LIPT2: variants seen among roughly 807,000 people sequenced by gnomAD.
LIPT2 encodes the protein lipoyl(octanoyl) transferase 2, also known as octanoyl-[acyl-carrier-protein]:protein N-octanoyltransferase LIPT2, mitochondrial.
In LIPT2, 16 loss-of-function variants were observed where a neutral mutation model predicts 16.2. The observed-to-expected ratio is 0.99, with a 90% CI of 0.67 to 1.50. The LOEUF is 1.50. LIPT2 is among the 40% of genes most tolerant of loss of function. LIPT2 has a pLI of 0.00. For missense variants in LIPT2, 424 were observed against 347.7 expected (o/e 1.22, Z -1.75); for synonymous variants, 199 against 169.3 (o/e 1.18, Z -1.36).
chr11:74,493,689 G>C lies in LIPT2; in HGVS notation c.15C>G (p.Ala5=). MRQP[A]VRLVRLGRVP... is the part of the protein sequence containing the mutation. ...CCCGACCCAGGCGCACCAACCGAAC[G>C]GCGGGTTGCCGCATCGTGCCCACCG... The change falls in exon 1 of 2, where the codon GCC becomes GCG. Residue 5 remains alanine (A), a synonymous_variant. Coordinates refer to ENST00000310109, the MANE Select transcript of LIPT2 (RefSeq NM_001144869.3). 7.2e-7 allele frequency: 1 copy of C among 1,388,024 alleles called. No individual in the cohort carries two copies. Among genetic ancestry groups the C allele is most frequent in the South Asian group, 1.6e-5 (1 of 62,356 alleles). The allele number at this position is 1,388,024 out of a possible 1,614,324, so 86.0% of individuals were successfully genotyped here. A position where few individuals can be genotyped will look rare whatever the true frequency, so the allele number is the denominator to read the frequency against.
In LIPT2 at chr11:74,493,408, C is replaced by T; in HGVS notation, c.296G>A (p.Cys99Tyr). The T allele has an allele frequency of 6.6e-7, 1 of 1,516,078 alleles. No individual in the cohort carries two copies. The highest frequency in any genetic ancestry group is 8.8e-7 in the Non-Finnish European group (1 of 1,139,176). The allele number at this position is 1,516,078 out of a possible 1,614,324, so 93.9% of individuals were successfully genotyped here. The change falls in exon 1 of 2, where the codon TGC becomes TAC. Residue 99 changes from cysteine (C) to tyrosine (Y), a missense_variant. Cys to Tyr is a radical substitution (Grantham distance 194, BLOSUM62 -2). Coordinates refer to ENST00000310109, the MANE Select transcript of LIPT2 (RefSeq NM_001144869.3). ...ACGCCGCAGGTCGAGTACCGGGTGG[C>T]AAAGCAGCTGGCCCGGGCCGTGGAA... Reference protein sequence around the residue: ...ATFHGPGQLLCHPVLDLRRLG... With the variant: ...ATFHGPGQLLYHPVLDLRRLG...
At position 74,493,715 on chromosome 11, in the gene LIPT2, T is replaced by C; in HGVS notation, c.-12A>G. On this transcript the variant is annotated 5_prime_UTR_variant, in exon 1 of 2. Transcript: ENST00000310109. Reference sequence around the variant, plus strand: ...GCGGGTTGCCGCATCGTGCCCACCGTTGCGTCCGCGGGGCCCCGCCCTCTC... The same window carrying C: ...GCGGGTTGCCGCATCGTGCCCACCGCTGCGTCCGCGGGGCCCCGCCCTCTC... 8.1e-6 allele frequency: 11 copies of C among 1,353,552 alleles called. No individual in the cohort carries two copies. The highest frequency in any genetic ancestry group is 1.0e-5 in the Non-Finnish European group (11 of 1,059,878). 83.8% of individuals were successfully genotyped at this position (1,353,552 alleles called of 1,614,324 possible).
chr11:74,492,777 G>C (rs1186940681), intron 1 of LIPT2, among the ~76,000 whole-genome samples: 1 of 151,820 alleles, frequency 6.6e-6, no homozygotes, highest in Non-Finnish European at 1.5e-5. Context: ...GGTGGTGGGC[G>C]CCTGTAGCCC....
At position 74,493,694 on chromosome 11, in the gene LIPT2, G is replaced by A; in HGVS notation, c.10C>T (p.Pro4Ser). Residue 4 changes from proline (P) to serine (S), a missense_variant, in exon 1 of 2, where the codon CCC becomes TCC. Transcript: ENST00000310109. ...CCCAGGCGCACCAACCGAACGGCGG[G>A]TTGCCGCATCGTGCCCACCGTTGCG... MRQ[P>S]AVRLVRLGRV... The A allele has an allele frequency of 5.8e-6, 8 of 1,385,330 alleles. No homozygotes were observed. The highest frequency in any genetic ancestry group is 7.4e-6 in the Non-Finnish European group (8 of 1,075,246). The allele number at this position is 1,385,330 out of a possible 1,614,324, so 85.8% of individuals were successfully genotyped here.
Position 74,492,304 on chromosome 11 carries a change from A to C in LIPT2, c.527T>G (p.Leu176Arg). The C allele has an allele frequency of 6.4e-7, 1 of 1,551,790 alleles. No homozygotes were observed. The highest frequency in any genetic ancestry group is 2.4e-5 in the East Asian group (1 of 40,914). Residue 176 changes from leucine to arginine, a missense_variant, in exon 2 of 2, where the codon CTC becomes CGC. Coordinates refer to ENST00000310109, the MANE Select transcript of LIPT2 (RefSeq NM_001144869.3). ...HGLALNCSTDLTWFEHIVPCG... is the reference protein window; with the variant it reads ...HGLALNCSTDRTWFEHIVPCG... ...GGGCACGATGTGCTCAAACCACGTG[A>C]GGTCGGTAGAGCAGTTGAGAGCCAG...
Position 74,491,944 on chromosome 11 carries a change from T to C in LIPT2, c.*191A>G. On this transcript the variant is annotated 3_prime_UTR_variant, in exon 2 of 2. Transcript: ENST00000310109. ...TCACAGTATTGTCACATCTAGTATC[T>C]CTGAGGTAGGTGGGGAAGATATAAA... is the stretch of plus-strand genomic sequence containing the variant. 1 of 585,618 alleles carries C rather than the reference T, an allele frequency of 1.7e-6. No individual in the cohort carries two copies. Among genetic ancestry groups the C allele is most frequent in the Admixed American group, 3.0e-5 (1 of 33,788 alleles). 36.3% of individuals were successfully genotyped at this position (585,618 alleles called of 1,614,324 possible). A position where few individuals can be genotyped will look rare whatever the true frequency, so the allele number is the denominator to read the frequency against.
chr11:74,493,681 A>AGCCG lies in LIPT2; in HGVS notation c.22_23insCGGC (p.Leu8SerfsTer31), dbSNP rs1395929993. On this transcript the variant is annotated frameshift_variant, in exon 1 of 2. Coordinates refer to ENST00000310109, the MANE Select transcript of LIPT2 (RefSeq NM_001144869.3). LOFTEE classifies it high-confidence loss of function. ...GTACGGCACCCGACCCAGGCGCACC[A>AGCCG]ACCGAACGGCGGGTTGCCGCATCGT... 1.3e-5 allele frequency: 19 copies of AGCCG among 1,409,756 alleles called. No homozygotes were observed. In the African/African-American group the frequency reaches 2.1e-4, roughly 16 times the overall value. The allele number at this position is 1,409,756 out of a possible 1,614,324, so 87.3% of individuals were successfully genotyped here. A position where few individuals can be genotyped will look rare whatever the true frequency, so the allele number is the denominator to read the frequency against.
At position 74,492,170 on chromosome 11, in the gene LIPT2, T is replaced by A; in HGVS notation, c.661A>T (p.Lys221Ter). The change falls in exon 2 of 2, where the codon AAG (lysine) becomes TAG (stop). Residue 221 changes from lysine to a stop codon, truncating the protein, a stop_gained. Transcript: ENST00000310109. LOFTEE classifies it high-confidence loss of function. ...PFLVAFKEIY[K>*]CTLISEDSPN is the part of the protein sequence containing the mutation. ...CTGTCCTCTGAGATCAGTGTGCACT[T>A]GTAGATCTCCTTAAAGGCCACAAGG... The A allele has an allele frequency of 6.4e-7, 1 of 1,551,630 alleles. No homozygotes were observed. Among genetic ancestry groups the A allele is most frequent in the African/African-American group, 1.4e-5 (1 of 73,148 alleles).
In LIPT2 at chr11:74,493,334, C is replaced by A; in HGVS notation, c.370G>T (p.Val124Leu). 1 of 1,484,310 alleles carries A rather than the reference C, an allele frequency of 6.7e-7. No homozygotes were observed. The highest frequency in any genetic ancestry group is 8.9e-7 in the Non-Finnish European group (1 of 1,122,444). 91.9% of individuals were successfully genotyped at this position (1,484,310 alleles called of 1,614,324 possible). A position where few individuals can be genotyped will look rare whatever the true frequency, so the allele number is the denominator to read the frequency against. ...MHVASLEACA[V>L]RLCELQGLQD... is the part of the protein sequence containing the mutation. ...AGGCCCTGGAGCTCGCACAGGCGCA[C>A]GGCGCACGCCTCCAGCGACGCTACG... The change falls in exon 1 of 2, where the codon GTG becomes TTG. Residue 124 changes from valine (V) to leucine (L), a missense_variant. Val to Leu is a conservative substitution (Grantham distance 32, BLOSUM62 1). Coordinates refer to ENST00000310109, the MANE Select transcript of LIPT2 (RefSeq NM_001144869.3).
In LIPT2 at chr11:74,493,406, G is replaced by A; in HGVS notation, c.298C>T (p.His100Tyr). 1 of 1,516,160 alleles carries A rather than the reference G, an allele frequency of 6.6e-7. No homozygotes were observed. 93.9% of individuals were successfully genotyped at this position (1,516,160 alleles called of 1,614,324 possible). The change falls in exon 1 of 2, where the codon CAC (histidine) becomes TAC (tyrosine). Residue 100 changes from histidine (H) to tyrosine (Y), a missense_variant. Coordinates refer to ENST00000310109, the MANE Select transcript of LIPT2 (RefSeq NM_001144869.3). ...TFHGPGQLLC[H>Y]PVLDLRRLGL... ...AGACGCCGCAGGTCGAGTACCGGGT[G>A]GCAAAGCAGCTGGCCCGGGCCGTGG...
chr11:74,493,624 A>G lies in LIPT2; in HGVS notation c.80T>C (p.Leu27Pro). 6.9e-7 allele frequency: 1 copy of G among 1,457,710 alleles called. No homozygotes were observed. The highest frequency in any genetic ancestry group is 2.5e-5 in the Admixed American group (1 of 39,566). The allele number at this position is 1,457,710 out of a possible 1,614,324, so 90.3% of individuals were successfully genotyped here. A position where few individuals can be genotyped will look rare whatever the true frequency, so the allele number is the denominator to read the frequency against. The change falls in exon 1 of 2, where the codon CTG becomes CCG. Residue 27 changes from leucine to proline, a missense_variant. Transcript: ENST00000310109. ...AELLGLQDRW[L>P]RRLQAEPGIE... ...GCCTGGCTCGGCCTGCAGCCGCCGC[A>G]GCCAGCGGTCCTGCAGCCCCAGTAG... is the stretch of plus-strand genomic sequence containing the variant.
chr11:74,490,573 A>G lies in LIPT2; in HGVS notation c.*1562T>C, dbSNP rs1437542022. On this transcript the variant is annotated 3_prime_UTR_variant, in exon 2 of 2. Transcript: ENST00000310109. ...GGTTAATTAAAATATTAAAATTAACATCATAGACCAGGCATGGTGGCTCAC... is the reference window on the plus strand; with the variant it reads ...GGTTAATTAAAATATTAAAATTAACGTCATAGACCAGGCATGGTGGCTCAC... Among the ~76,000 whole-genome samples the G allele has an allele frequency of 6.6e-6, 1 of 152,210 alleles. No individual in the cohort carries two copies. The highest frequency in any genetic ancestry group is 1.5e-5 in the Non-Finnish European group (1 of 68,034).
rs1052558925 is a variant in LIPT2 at position 74,491,002 on chromosome 11, C to A, written c.*1133G>T. On this transcript the variant is annotated 3_prime_UTR_variant, in exon 2 of 2. Transcript: ENST00000310109. ...TTGCCCTAGTGCAGTCCCTTCCACA[C>A]TGAACAGGGCTCATCTGTTAGAAGA... Among the ~76,000 whole-genome samples the A allele has an allele frequency of 6.6e-6, 1 of 152,212 alleles. No individual in the cohort carries two copies. Among genetic ancestry groups the A allele is most frequent in the African/African-American group, 2.4e-5 (1 of 41,452 alleles).
Position 74,492,371 on chromosome 11 carries a change from G to A in LIPT2, c.467-7C>T. 3 of 1,546,928 alleles carry A rather than the reference G, an allele frequency of 1.9e-6. No homozygotes were observed. The highest frequency in any genetic ancestry group is 2.6e-6 in the Non-Finnish European group (3 of 1,142,650). On this transcript the variant is annotated splice_polypyrimidine_tract_variant and splice_region_variant and intron_variant, in intron 1 of 1. Transcript: ENST00000310109. ...TGCCTTCCACAGCGGACTCCTGCAA[G>A]GCAAGCCAAAGGGTCTTAGAGTAGA...
intron 1 of LIPT2, 150 bp from the exon 2 acceptor site, chr11:74,492,514 G>A: frequency 3.3e-6 from 2 of 611,270 alleles, no homozygotes; most frequent in African/African-American, 1.9e-5. Context: ...GATGGGAAAA[G>A]GAAACAAATG....
In LIPT2 at chr11:74,493,721, C is replaced by G; in HGVS notation, c.-18G>C. Reference sequence around the variant, plus strand: ...TGCCGCATCGTGCCCACCGTTGCGTCCGCGGGGCCCCGCCCTCTCCGTGGG... The same window carrying G: ...TGCCGCATCGTGCCCACCGTTGCGTGCGCGGGGCCCCGCCCTCTCCGTGGG... On this transcript the variant is annotated 5_prime_UTR_variant, in exon 1 of 2. Coordinates refer to ENST00000310109, the MANE Select transcript of LIPT2 (RefSeq NM_001144869.3). The G allele has an allele frequency of 7.4e-7, 1 of 1,345,452 alleles. No homozygotes were observed. The highest frequency in any genetic ancestry group is 1.5e-5 in the African/African-American group (1 of 65,204). The allele number at this position is 1,345,452 out of a possible 1,614,324, so 83.3% of individuals were successfully genotyped here.
Position 74,493,303 on chromosome 11 carries a change from T to C in LIPT2, c.401A>G (p.Asp134Gly). 1.4e-6 allele frequency: 2 copies of C among 1,434,094 alleles called. No individual in the cohort carries two copies. The highest frequency in any genetic ancestry group is 1.8e-6 in the Non-Finnish European group (2 of 1,096,374). 88.8% of individuals were successfully genotyped at this position (1,434,094 alleles called of 1,614,324 possible). A position where few individuals can be genotyped will look rare whatever the true frequency, so the allele number is the denominator to read the frequency against. Residue 134 changes from aspartate (D) to glycine (G), a missense_variant, in exon 1 of 2, where the codon GAC (aspartate) becomes GGC (glycine). Transcript: ENST00000310109. ...GTAGGGCGGGGGCCGCGCGCGGGCG[T>C]CCTGCAGGCCCTGGAGCTCGCACAG... is the stretch of plus-strand genomic sequence containing the variant. ...VRLCELQGLQ[D>G]ARARPPPYTG...
intron 1 of LIPT2, among the ~76,000 whole-genome samples, chr11:74,492,728 A>AC (rs1864370850): frequency 6.6e-6 from 1 of 151,744 alleles, no homozygotes; most frequent in South Asian, 2.1e-4. Context: ...ACACGGTGAA[A>AC]CCCCATCTCT....
In LIPT2 at chr11:74,492,361, A is replaced by T. The variant is rs1864360735; in HGVS notation, c.470T>A (p.Val157Asp). 1 of 1,549,940 alleles carries T rather than the reference A, an allele frequency of 6.5e-7. No homozygotes were observed. The highest frequency in any genetic ancestry group is 1.2e-5 in the South Asian group (1 of 84,016). The stretch of plus-strand genomic sequence containing the variant: ...GGATGTGATGTGCCTTCCACAGCGG[A>T]CTCCTGCAAGGCAAGCCAAAGGGTC... Reference protein sequence around the residue: ...LDDRKICAIGVRCGRHITSHG... With the variant: ...LDDRKICAIGDRCGRHITSHG... The change falls in exon 2 of 2, where the codon GTC becomes GAC. Residue 157 changes from valine to aspartate, a missense_variant. Val to Asp is a radical substitution (Grantham distance 152, BLOSUM62 -3). Transcript: ENST00000310109.
Sources: allele counts gnomAD v4.1 joint callset (sites outside exome capture counted in the v4.1 genomes callset), GRCh38; gene constraint gnomAD v4.1.1; transcripts MANE v1.5; gene names NCBI Gene and HGNC (gene_info 2026-07-23, HGNC 2026-07-21).